Variants in MYO3A observed in about 807,000 individuals in gnomAD.
MYO3A encodes myosin-IIIa.
A neutral mutation model predicts 192.7 loss-of-function variants in MYO3A; 180 were observed. The observed-to-expected ratio is 0.93, with a 90% CI of 0.83 to 1.06. The LOEUF (loss-of-function observed/expected upper bound fraction) is 1.06, where lower values mean the gene tolerates loss of function less well. Among genes scored for constraint, MYO3A ranks in the 50% least tolerant of loss-of-function variants. The pLI is 0.00. For synonymous variants in MYO3A, 628 were observed against 645.3 expected, an observed-to-expected ratio of 0.97 and a Z score of 0.41; for missense variants, 1,896 against 1,905.0, an observed-to-expected ratio of 1.00 and a Z score of 0.09.
In MYO3A at chr10:26,212,109, C is replaced by G. The variant is rs1298950288; in HGVS notation, c.*146C>G. Reference sequence around the variant, plus strand: ...GAGGCTGCCTGCTGCGCTCGGCCCTCAAGTGCCCGGGCCGGCCTTCGTGCT... The same window carrying G: ...GAGGCTGCCTGCTGCGCTCGGCCCTGAAGTGCCCGGGCCGGCCTTCGTGCT... On this transcript the variant is annotated 3_prime_UTR_variant, in exon 35 of 35. Coordinates refer to ENST00000642920, the MANE Select transcript of MYO3A (RefSeq NM_017433.5). The G allele has an allele frequency of 4.8e-6, 6 of 1,244,082 alleles. No individual in the cohort carries two copies. The allele number at this position is 1,244,082 out of a possible 1,614,324, so 77.1% of individuals were successfully genotyped here.
At chr10:26,012,213 C>T (rs1841707596) in intron 6 of MYO3A, among the ~76,000 whole-genome samples, 2 of 152,028 alleles carry the variant, frequency 1.3e-5, no homozygotes, top group South Asian at 2.1e-4. Context: ...ACTTTCACCA[C>T]CCCTATTCAA....
chr10:25,945,294 T>C (rs1451564749), intron 2 of MYO3A, among the ~76,000 whole-genome samples: 2 of 152,086 alleles, frequency 1.3e-5, no homozygotes, highest in East Asian at 3.8e-4. Context: ...AAACACATAG[T>C]CTATCCTGAA....
intron 10 of MYO3A, among the ~76,000 whole-genome samples, chr10:26,035,239 C>T (rs1432301812): frequency 1.3e-5 from 2 of 152,148 alleles, no homozygotes; most frequent in Admixed American, 6.5e-5. Flanking sequence ...AGTACTTCCT[C>T]TTCCAGAAAA....
rs1009741034 is a variant in MYO3A at position 26,070,869 on chromosome 10, G to T, written c.1359+468G>T. On this transcript the variant is annotated intron_variant, in intron 14 of 34. Transcript: ENST00000642920. ...AATATTATATGTGCAAGATTTGTTT[G>T]CTGAAAACTGAAAGAGTTAAAAGAA... Among the ~76,000 whole-genome samples, 5 of 151,792 alleles carry T rather than the reference G, an allele frequency of 3.3e-5. No individual in the cohort carries two copies. The East Asian group carries it at 9.6e-4, about 29-fold the overall frequency.
At chr10:25,970,904 A>G (rs557271162) in intron 4 of MYO3A, among the ~76,000 whole-genome samples, 75 of 152,146 alleles carry the variant, frequency 4.9e-4, no homozygotes, top group African/African-American at 1.8e-3. Context: ...GTTTATATTA[A>G]TAAAAGAAAC....
chr10:26,116,602 A>G (rs892724452), intron 17 of MYO3A, among the ~76,000 whole-genome samples: 2 of 152,144 alleles, frequency 1.3e-5, no homozygotes, highest in African/African-American at 4.8e-5. Flanking sequence ...CAATACCTCT[A>G]TTCTTATTTT....
intron 4 of MYO3A, among the ~76,000 whole-genome samples, chr10:25,964,855 T>C (rs1460098550): frequency 6.6e-6 from 1 of 152,236 alleles, no homozygotes; most frequent in Non-Finnish European, 1.5e-5. Flanking sequence ...TTGAAGGGTA[T>C]TTCACTGGAT....
intron 4 of MYO3A, among the ~76,000 whole-genome samples, chr10:25,976,386 T>A (rs1384912064): frequency 1.3e-5 from 2 of 152,156 alleles, no homozygotes; most frequent in Non-Finnish European, 2.9e-5. Flanking sequence ...ATAGTCAGAC[T>A]AAGCTAATGG....
At chr10:26,179,870 T>G (rs10828960) in intron 31 of MYO3A, among the ~76,000 whole-genome samples, 110,493 of 152,128 alleles carry the variant, frequency 0.73, 40,432 homozygotes, top group African/African-American at 0.79. Flanking sequence ...GTCTCACTCT[T>G]TCACCCAGGC....
chr10:25,964,442 G>A (rs1838138070), intron 4 of MYO3A, among the ~76,000 whole-genome samples: 1 of 152,044 alleles, frequency 6.6e-6, no homozygotes, highest in African/African-American at 2.4e-5. Context: ...ATCACACTTT[G>A]CATATACAAA....
At chr10:26,203,514 AATG>A (rs1159085358) in intron 34 of MYO3A, among the ~76,000 whole-genome samples, 2 of 152,212 alleles carry the variant, frequency 1.3e-5, no homozygotes, top group Non-Finnish European at 2.9e-5. Flanking sequence ...TCTCAGAATC[AATG>A]ATGTCAGACC....
intron 2 of MYO3A, among the ~76,000 whole-genome samples, chr10:25,940,216 GCTGT>G (rs1258733838): frequency 1.3e-5 from 2 of 151,704 alleles, no homozygotes; most frequent in Admixed American, 1.3e-4. Flanking sequence ...GTTATTTCAT[GCTGT>G]CTATTTCTAC....
At chr10:26,173,051 G>T (rs2132031673) in intron 29 of MYO3A, among the ~76,000 whole-genome samples, 1 of 137,958 alleles carries the variant, frequency 7.2e-6, no homozygotes, top group African/African-American at 2.8e-5. Flanking sequence ...TTTGCCTTTG[G>T]CTAGAAAAAA....
intron 15 of MYO3A, among the ~76,000 whole-genome samples, chr10:26,095,240 A>G (rs11014955): frequency 0.15 from 23,316 of 152,216 alleles, 1,937 homozygotes; most frequent in East Asian, 0.31. Context: ...AGAAGTAACA[A>G]TAGAAAAAAG....
chr10:26,042,643 T>C (rs1843415487), intron 10 of MYO3A, among the ~76,000 whole-genome samples: 2 of 152,226 alleles, frequency 1.3e-5, no homozygotes, highest in African/African-American at 4.8e-5. Context: ...CCCCAGAATT[T>C]CTGTTTGATT....
intron 17 of MYO3A, among the ~76,000 whole-genome samples, chr10:26,104,832 T>C (rs530115477): frequency 1.2e-4 from 18 of 151,422 alleles, no homozygotes; most frequent in African/African-American, 4.1e-4. Flanking sequence ...ATATTCCATA[T>C]TTATTTACCT....
intron 2 of MYO3A, among the ~76,000 whole-genome samples, chr10:25,942,840 C>T (rs974848461): frequency 6.7e-6 from 1 of 150,342 alleles, no homozygotes; most frequent in Non-Finnish European, 1.5e-5. Context: ...TATGTTAACC[C>T]TTTATCAGAT....
intron 1 of MYO3A, among the ~76,000 whole-genome samples, chr10:25,934,982 G>A (rs1241200283): frequency 6.6e-6 from 1 of 152,052 alleles, no homozygotes; most frequent in East Asian, 1.9e-4. Context: ...CTGGAGGGAG[G>A]AGGCGCCGAG....
At chr10:26,078,836 G>A (rs1260243636) in intron 14 of MYO3A, among the ~76,000 whole-genome samples, 1 of 152,026 alleles carries the variant, frequency 6.6e-6, no homozygotes, top group Admixed American at 6.6e-5. Flanking sequence ...TTTTGGAGTT[G>A]ATTTCCAGTT....
Sources: gnomAD v4.1 joint callset for allele counts (sites outside exome capture counted in the v4.1 genomes callset) on GRCh38, gnomAD v4.1.1 for gene constraint, MANE v1.5 for transcripts, NCBI Gene and HGNC (gene_info 2026-07-23, HGNC 2026-07-21) for gene names.